EPHB1: variants seen among roughly 807,000 people sequenced by gnomAD.
EPHB1 encodes ephrin type-B receptor 1.
In EPHB1, 30 loss-of-function variants were observed where a neutral mutation model predicts 94.4. The observed-to-expected ratio is 0.32, with a 90% CI of 0.24 to 0.43. The LOEUF (loss-of-function observed/expected upper bound fraction) is 0.43, where lower values mean the gene tolerates loss of function less well. Ranked by LOEUF, EPHB1 falls within the 20% of genes least tolerant of loss-of-function variation. The pLI, the probability that EPHB1 is intolerant of heterozygous loss-of-function variation, is 1.00. For missense variants in EPHB1, 1,055 were observed against 1,308.3 expected, an observed-to-expected ratio of 0.81 and a Z score of 2.99; for synonymous variants, 522 against 489.1, an observed-to-expected ratio of 1.07 and a Z score of -0.89.
At chr3:135,020,616 T>C (rs76130867) in intron 3 of EPHB1, among the ~76,000 whole-genome samples, 2,286 of 152,342 alleles carry the variant, frequency 0.015, 62 homozygotes, top group African/African-American at 0.052. Flanking sequence ...CATTAGACTT[T>C]CTTATGATTT....
intron 3 of EPHB1, among the ~76,000 whole-genome samples, chr3:135,078,309 G>A (rs1416124376): frequency 2.0e-5 from 3 of 152,320 alleles, no homozygotes; most frequent in Middle Eastern, 3.4e-3. Context: ...TTCCCAAGGA[G>A]GTGTTCTGAG....
chr3:134,800,389 G>A (rs1327506524), intron 1 of EPHB1, among the ~76,000 whole-genome samples: 1 of 152,184 alleles, frequency 6.6e-6, no homozygotes, highest in Admixed American at 6.5e-5. Flanking sequence ...AGGCTTAGAT[G>A]TGTAGTGTTT....
chr3:134,898,041 C>A (rs900172483), intron 1 of EPHB1, among the ~76,000 whole-genome samples: 7 of 152,146 alleles, frequency 4.6e-5, no homozygotes, highest in Admixed American at 6.5e-5. Context: ...GCAAATAAAT[C>A]AATGTTATCT....
At chr3:135,188,485 ACT>A (rs1226316471) in intron 10 of EPHB1, among the ~76,000 whole-genome samples, 2 of 152,054 alleles carry the variant, frequency 1.3e-5, no homozygotes, top group Non-Finnish European at 2.9e-5. Context: ...ACATAGCAAG[ACT>A]CTGTCTCAAA....
chr3:135,113,353 C>A (rs1576395751), intron 4 of EPHB1, among the ~76,000 whole-genome samples: 1 of 152,220 alleles, frequency 6.6e-6, no homozygotes, highest in Non-Finnish European at 1.5e-5. Context: ...GTGAGTATAA[C>A]CTTTTTGAGG....
At chr3:135,029,811 C>T (rs149495002) in intron 3 of EPHB1, among the ~76,000 whole-genome samples, 3 of 152,102 alleles carry the variant, frequency 2.0e-5, no homozygotes, top group African/African-American at 7.2e-5. Flanking sequence ...TAATATCCTG[C>T]AGAGTGTTTT....
intron 3 of EPHB1, among the ~76,000 whole-genome samples, chr3:135,020,781 A>G (rs1225118029): frequency 6.6e-6 from 1 of 152,238 alleles, no homozygotes; most frequent in Non-Finnish European, 1.5e-5. Context: ...AAAACATTAA[A>G]ATAATTAAAT....
At chr3:134,966,397 C>T (rs1401484513) in intron 3 of EPHB1, among the ~76,000 whole-genome samples, 1 of 152,156 alleles carries the variant, frequency 6.6e-6, no homozygotes, top group East Asian at 1.9e-4. Context: ...TTGTCTTAAC[C>T]TCCTATCATA....
intron 3 of EPHB1, among the ~76,000 whole-genome samples, chr3:134,992,815 C>A (rs887721705): frequency 1.3e-5 from 2 of 152,310 alleles, no homozygotes; most frequent in African/African-American, 2.4e-5. Context: ...GGAACAAAAT[C>A]TCACCCACTT....
chr3:135,134,532 G>A (rs1050108124), intron 5 of EPHB1, among the ~76,000 whole-genome samples: 3 of 152,122 alleles, frequency 2.0e-5, no homozygotes, highest in Non-Finnish European at 4.4e-5. Flanking sequence ...GTATGTGTAT[G>A]GTCACGTGTT....
intron 2 of EPHB1, among the ~76,000 whole-genome samples, chr3:134,928,891 A>T (rs1474135871): frequency 6.6e-6 from 1 of 152,132 alleles, no homozygotes; most frequent in Non-Finnish European, 1.5e-5. Context: ...AAGCCAGGGG[A>T]AGAGTGTGTC....
At chr3:134,814,413 T>C (rs1163394385) in intron 1 of EPHB1, among the ~76,000 whole-genome samples, 1 of 151,990 alleles carries the variant, frequency 6.6e-6, no homozygotes, top group Non-Finnish European at 1.5e-5. Context: ...AAATAGCAAT[T>C]ACATTCAAGT....
At chr3:135,161,440 G>A (rs1327558215) in intron 6 of EPHB1, among the ~76,000 whole-genome samples, 1 of 152,162 alleles carries the variant, frequency 6.6e-6, no homozygotes, top group Non-Finnish European at 1.5e-5. Flanking sequence ...AGGTGTGGAG[G>A]GCAGTCCAGA....
intron 3 of EPHB1, among the ~76,000 whole-genome samples, chr3:134,982,110 C>G (rs1934422935): frequency 6.6e-6 from 1 of 152,170 alleles, no homozygotes; most frequent in Non-Finnish European, 1.5e-5. Flanking sequence ...TTTGGACTTT[C>G]TGAGTCCAAG....
chr3:134,901,603 A>G (rs1042798155), intron 1 of EPHB1, among the ~76,000 whole-genome samples: 6 of 152,244 alleles, frequency 3.9e-5, no homozygotes, highest in Non-Finnish European at 2.9e-5. Context: ...TGGGAAAGGC[A>G]TCTCACTGAG....
At chr3:135,123,636 C>T (rs529833829) in intron 4 of EPHB1, among the ~76,000 whole-genome samples, 4 of 152,258 alleles carry the variant, frequency 2.6e-5, no homozygotes, top group African/African-American at 9.6e-5. Context: ...AATATGCCTC[C>T]GCTAGTGACT....
intron 12 of EPHB1, among the ~76,000 whole-genome samples, chr3:135,234,333 C>T (rs1943599835): frequency 6.6e-6 from 1 of 152,196 alleles, no homozygotes; most frequent in East Asian, 1.9e-4. Context: ...AGTTCTTCTT[C>T]TCCATCTGAG....
chr3:134,874,736 A>C (rs2037582457), intron 1 of EPHB1, among the ~76,000 whole-genome samples: 1 of 152,168 alleles, frequency 6.6e-6, no homozygotes, highest in African/African-American at 2.4e-5. Context: ...AAGCACAGAG[A>C]TCACTCCTAA....
chr3:134,975,047 C>T (rs1209915176), intron 3 of EPHB1, among the ~76,000 whole-genome samples: 1 of 142,122 alleles, frequency 7.0e-6, no homozygotes, highest in Non-Finnish European at 1.5e-5. Flanking sequence ...CCACCTCTCT[C>T]TTAATGAGAA....
Sources: allele counts gnomAD v4.1 joint callset (sites outside exome capture counted in the v4.1 genomes callset), GRCh38; gene constraint gnomAD v4.1.1; transcripts MANE v1.5; gene names NCBI Gene and HGNC (gene_info 2026-07-23, HGNC 2026-07-21).